B4GALNT2: variants seen among roughly 807,000 people sequenced by gnomAD.
The protein encoded by B4GALNT2 is N-acetylneuraminylgalactosylglucosyl-glucoside beta-1,4-N- acetylgalactosaminyltransferase 2.
Under a neutral mutation model 51.1 loss-of-function variants are expected in B4GALNT2, and 42 were observed. The observed-to-expected ratio is 0.82, with a 90% CI of 0.64 to 1.06. The LOEUF is 1.06. B4GALNT2 is among the 50% of genes least tolerant of loss of function. B4GALNT2 has a pLI of 0.00. For synonymous variants in B4GALNT2, 253 were observed against 251.7 expected (o/e 1.01, Z -0.05); for missense variants, 602 against 633.6 (o/e 0.95, Z 0.54).
intron 8 of B4GALNT2, among the ~76,000 whole-genome samples, chr17:49,164,558 G>T (rs541064197): frequency 6.9e-6 from 1 of 145,170 alleles, no homozygotes; most frequent in South Asian, 2.2e-4. Context: ...CTGGAGTGCC[G>T]TGGCATGATC....
At chr17:49,142,217 A>C (rs757776690) in intron 3 of B4GALNT2, 45 bp downstream of exon 3, 91 of 1,610,082 alleles carry the variant, frequency 5.7e-5, no homozygotes, top group Non-Finnish European at 7.5e-5. Flanking sequence ...ATGGAACAAA[A>C]GCCCTCCCTA....
chr17:49,149,996 T>C lies in B4GALNT2; in HGVS notation c.354-2804T>C, dbSNP rs534456249. On this transcript the variant is annotated intron_variant, in intron 3 of 10. Coordinates refer to ENST00000393354, the MANE Select transcript of B4GALNT2 (RefSeq NM_001159387.2). ...ATTGAAGCTGAGTATGTTCCATATG[T>C]TCATTGCCATTTGTATTTCCTCTTC... Among the ~76,000 whole-genome samples the C allele has an allele frequency of 7.2e-5, 11 of 152,346 alleles. No individual in the cohort carries two copies. The South Asian group carries it at 2.3e-3, about 32-fold the overall frequency.
intron 9 of B4GALNT2, among the ~76,000 whole-genome samples, chr17:49,166,898 G>A (rs546059056): frequency 2.6e-5 from 4 of 152,282 alleles, no homozygotes; most frequent in South Asian, 2.1e-4. Context: ...GAGCCCAGGA[G>A]GTCAAGGATG....
chr17:49,138,393 G>A (rs1048804629), intron 1 of B4GALNT2, among the ~76,000 whole-genome samples: 1 of 152,170 alleles, frequency 6.6e-6, no homozygotes, highest in African/African-American at 2.4e-5. Context: ...GTCATTTTGT[G>A]TTATGTTGTT....
intron 4 of B4GALNT2, among the ~76,000 whole-genome samples, chr17:49,153,455 A>G (rs1201005987): frequency 6.6e-6 from 1 of 152,054 alleles, no homozygotes; most frequent in African/African-American, 2.4e-5. Context: ...TATGGAGCAG[A>G]CATTCATTGG....
At chr17:49,153,629 C>T (rs2042780399) in intron 4 of B4GALNT2, among the ~76,000 whole-genome samples, 1 of 151,864 alleles carries the variant, frequency 6.6e-6, no homozygotes, top group South Asian at 2.1e-4. Context: ...GCCTCAGCCT[C>T]CCAAGTAGCT....
chr17:49,150,962 A>T (rs972571124), intron 3 of B4GALNT2, among the ~76,000 whole-genome samples: 1 of 152,138 alleles, frequency 6.6e-6, no homozygotes, highest in Non-Finnish European at 1.5e-5. Context: ...CCTTTTTCAT[A>T]TTACCGTAAG....
chr17:49,160,406 C>T, intron 6 of B4GALNT2, 149 bp from the exon 7 acceptor site: 1 of 751,610 alleles, frequency 1.3e-6, no homozygotes, highest in Non-Finnish European at 2.4e-6. Context: ...AGCCTGAATG[C>T]CAGAGACTCT....
At chr17:49,131,707 C>A (rs1212064631), upstream of B4GALNT2, among the ~76,000 whole-genome samples, 1 of 152,080 alleles carries the variant, frequency 6.6e-6, no homozygotes, top group Non-Finnish European at 1.5e-5. Context: ...GATGGGGTTT[C>A]ACTATGTTGC....
chr17:49,121,720 C>T, the B4GALNT2 span, among the ~76,000 whole-genome samples: 26 of 152,196 alleles, frequency 1.7e-4, no homozygotes, highest in African/African-American at 6.3e-4. Context: ...ATGGACCCAC[C>T]ACAGTGAAAA....
rs2042983343 is a variant in B4GALNT2, at chr17:49,175,751, T to TA, written c.*6023_*6024insA. 1 of 152,220 alleles carries TA rather than the reference T, an allele frequency of 6.6e-6. No homozygotes were observed. Among genetic ancestry groups the TA allele is most frequent in the Non-Finnish European group, 1.5e-5 (1 of 68,052 alleles). 9.4% of individuals were successfully genotyped at this position (152,220 alleles called of 1,614,324 possible). A position where few individuals can be genotyped will look rare whatever the true frequency, so the allele number is the denominator to read the frequency against. On this transcript the variant is annotated 3_prime_UTR_variant, in exon 11 of 11. Coordinates refer to ENST00000393354, the MANE Select transcript of B4GALNT2 (RefSeq NM_001159387.2). ...TCGTCTAGCTGGCTCAATTCCTGCC[T>TA]GAATAGAACTGAGAGCAGTCACTCG...
chr17:49,136,473 A>T (rs983648722), intron 1 of B4GALNT2, among the ~76,000 whole-genome samples: 32 of 151,808 alleles, frequency 2.1e-4, no homozygotes, highest in East Asian at 1.9e-4. Flanking sequence ...TGATTTTTTT[A>T]AAAGGTGCCT....
chr17:49,125,495 C>T, the B4GALNT2 span, among the ~76,000 whole-genome samples: 3 of 152,084 alleles, frequency 2.0e-5, no homozygotes, highest in Non-Finnish European at 4.4e-5. Flanking sequence ...AGGTGTAGAG[C>T]CTAGGACCTA....
chr17:49,148,167 G>T (rs1041345268), intron 3 of B4GALNT2, among the ~76,000 whole-genome samples: 11 of 151,936 alleles, frequency 7.2e-5, no homozygotes, highest in Admixed American at 5.9e-4. Flanking sequence ...GAGCGTGATG[G>T]TGGGCGCCTG....
rs745772231 is a variant in B4GALNT2 at position 49,152,900 on chromosome 17, A to G, written c.454A>G (p.Ile152Val). Residue 152 changes from isoleucine (I) to valine (V), a missense_variant, in exon 4 of 11, where the codon ATC becomes GTC. By Grantham distance (29) the Ile-to-Val change is conservative. Transcript: ENST00000393354. Reference protein sequence around the residue: ...VEVMPLHTVPIPGLQFEGPDA... With the variant: ...VEVMPLHTVPVPGLQFEGPDA... ...GGTGATGCCCCTGCACACGGTTCCC[A>G]TCCCAGGTAAGTACATCCACATACC... 5.6e-6 allele frequency: 9 copies of G among 1,607,910 alleles called. No homozygotes were observed. The highest frequency in any genetic ancestry group is 7.6e-6 in the Non-Finnish European group (9 of 1,176,494).
At chr17:49,160,950 A>G (rs1382523561) in intron 7 of B4GALNT2, among the ~76,000 whole-genome samples, 1 of 152,300 alleles carries the variant, frequency 6.6e-6, no homozygotes, top group East Asian at 1.9e-4. Context: ...ATATAAACCC[A>G]ATACATGTTG....
chr17:49,139,584 AT>A (rs1254696185), intron 1 of B4GALNT2, among the ~76,000 whole-genome samples: 1 of 152,164 alleles, frequency 6.6e-6, no homozygotes, highest in Non-Finnish European at 1.5e-5. Context: ...TAGTGCGATC[AT>A]AGCTCACTAC....
chr17:49,160,376 C>T (rs908802396), intron 6 of B4GALNT2, among the ~76,000 whole-genome samples, 179 bp from the exon 7 acceptor site: 1 of 152,120 alleles, frequency 6.6e-6, no homozygotes, highest in Non-Finnish European at 1.5e-5. Flanking sequence ...CACGTTGCCC[C>T]AGGGACACAG....
chr17:49,123,428 A>G, the B4GALNT2 span, among the ~76,000 whole-genome samples: 1 of 152,256 alleles, frequency 6.6e-6, no homozygotes, highest in Non-Finnish European at 1.5e-5. Context: ...AAATTGAAAA[A>G]CATTTGGCAA....
Sources: gnomAD v4.1 joint callset for allele counts (sites outside exome capture counted in the v4.1 genomes callset) on GRCh38, gnomAD v4.1.1 for gene constraint, MANE v1.5 for transcripts, NCBI Gene and HGNC (gene_info 2026-07-23, HGNC 2026-07-21) for gene names.